TVP23A: variants seen among roughly 807,000 people sequenced by gnomAD.
The protein encoded by TVP23A is trans-golgi network vesicle protein 23 homolog A.
Under a neutral mutation model 31.7 loss-of-function variants are expected in TVP23A, and 21 were observed. The ratio of observed to expected loss-of-function variants is 0.66; its 90% CI spans 0.47 to 0.95. The LOEUF (loss-of-function observed/expected upper bound fraction) is 0.95. Ranked by LOEUF, TVP23A falls within the 40% of genes least tolerant of loss-of-function variation. The pLI is 0.00. For missense variants in TVP23A, 279 were observed against 255.6 expected, an observed-to-expected ratio of 1.09 and a Z score of -0.62; for synonymous variants, 104 against 96.0, an observed-to-expected ratio of 1.08 and a Z score of -0.49.
intron 2 of TVP23A, among the ~76,000 whole-genome samples, chr16:10,789,956 T>G (rs1317560039): frequency 6.6e-6 from 1 of 152,132 alleles, no homozygotes; most frequent in Non-Finnish European, 1.5e-5. Context: ...ATTTTAAAAT[T>G]TTCTGGTTGA....
At chr16:10,796,169 G>A (rs968200549) in intron 2 of TVP23A, among the ~76,000 whole-genome samples, 1 of 151,868 alleles carries the variant, frequency 6.6e-6, no homozygotes, top group African/African-American at 2.4e-5. Flanking sequence ...GCAACATGGT[G>A]AAACCTCATC....
At chr16:10,783,343 G>C (rs768515275) in intron 2 of TVP23A, among the ~76,000 whole-genome samples, 15 of 152,166 alleles carry the variant, frequency 9.9e-5, no homozygotes, top group Non-Finnish European at 2.2e-4. Flanking sequence ...ATTTATAGCA[G>C]CTTCATTCAT....
At chr16:10,759,064 GCAAAGGAGGTTTGATT>G (rs1474750322), downstream of TVP23A, among the ~76,000 whole-genome samples, 5 of 152,210 alleles carry the variant, frequency 3.3e-5, no homozygotes, top group Non-Finnish European at 7.3e-5. The surrounding 1 kb of genome is among the most constrained non-coding windows in gnomAD (Gnocchi z 4.7). Context: ...AGAAAGCCCA[GCAAAGGAGGTTTGATT>G]TGATCTCACT....
At chr16:10,776,626 T>C (rs2032042811) in intron 2 of TVP23A, among the ~76,000 whole-genome samples, 3 of 152,214 alleles carry the variant, frequency 2.0e-5, no homozygotes, top group Admixed American at 2.0e-4. Flanking sequence ...AGAGGGTTCT[T>C]GGATCTCACC....
chr16:10,805,188 C>T (rs998426459), intron 2 of TVP23A, among the ~76,000 whole-genome samples: 1 of 151,858 alleles, frequency 6.6e-6, no homozygotes, highest in African/African-American at 2.4e-5. Flanking sequence ...CATGCCACCA[C>T]GCCTGATTAA....
chr16:10,808,366 T>C (rs569331387), intron 2 of TVP23A, among the ~76,000 whole-genome samples: 6 of 152,100 alleles, frequency 3.9e-5, no homozygotes, highest in African/African-American at 1.2e-4. Flanking sequence ...GTTAGGGATT[T>C]TCAGGGGTGA....
intron 2 of TVP23A, among the ~76,000 whole-genome samples, chr16:10,797,156 T>G (rs2033433305): frequency 6.6e-6 from 1 of 150,546 alleles, no homozygotes; most frequent in South Asian, 2.1e-4. Flanking sequence ...GCCACTGTAC[T>G]CCAGACTGGG....
In TVP23A at chr16:10,777,436, G is replaced by T. The variant is rs1416077548; in HGVS notation, c.90-2340C>A. Among the ~76,000 whole-genome samples, 1 of 148,970 alleles carries T rather than the reference G, an allele frequency of 6.7e-6. No homozygotes were observed. Among genetic ancestry groups the T allele is most frequent in the African/African-American group, 2.5e-5 (1 of 40,588 alleles). On this transcript the variant is annotated intron_variant, in intron 2 of 7. Coordinates refer to ENST00000299866, the MANE Select transcript of TVP23A (RefSeq NM_001079512.4). This position sits in a 1 kb window ranked among gnomAD's most constrained non-coding sequence, Gnocchi z 4.5. ...TGGAAAATGCGGGGCCGAATGGGGT[G>T]GTCACAGAGATCCACACAGAACTGC...
intron 2 of TVP23A, chr16:10,808,559 G>A (rs1334084123): frequency 2.2e-6 from 1 of 454,928 alleles, no homozygotes; most frequent in Admixed American, 2.4e-5. Context: ...CACTTTGGGA[G>A]GCCAAGGCAG....
chr16:10,818,193 A>T lies in TVP23A; in HGVS notation c.10-11T>A, dbSNP rs2034525492. 4 of 1,598,102 alleles carry T rather than the reference A, an allele frequency of 2.5e-6. No homozygotes were observed. In the African/African-American group the frequency reaches 4.0e-5, roughly 16 times the overall value. The stretch of plus-strand genomic sequence containing the variant: ...ATCGTCCACCAGGGCCTGGGAGGAG[A>T]GCAAGGGCAGGTGGCAGGCCCAAGC... On this transcript the variant is annotated splice_polypyrimidine_tract_variant and intron_variant, in intron 1 of 7. Coordinates refer to ENST00000299866, the MANE Select transcript of TVP23A (RefSeq NM_001079512.4). This position sits in a 1 kb window ranked among gnomAD's most constrained non-coding sequence, Gnocchi z 4.7.
chr16:10,782,463 C>T (rs1467597494), intron 2 of TVP23A, among the ~76,000 whole-genome samples: 1 of 152,068 alleles, frequency 6.6e-6, no homozygotes, highest in East Asian at 1.9e-4. Context: ...TTGCTGCTCA[C>T]CTGTGTCATG....
chr16:10,768,123 G>A lies in TVP23A; in HGVS notation c.*979C>T. On this transcript the variant is annotated 3_prime_UTR_variant, in exon 8 of 8. Transcript: ENST00000299866. The surrounding 1 kb of genome is among the most constrained non-coding windows in gnomAD (Gnocchi z 4.3). ...GGGTGTGGAAGGACAGGTGGGTGGT[G>A]GGGTCTGTGATGACCACAGAGTGGC... 5 of 1,270,662 alleles carry A rather than the reference G, an allele frequency of 3.9e-6. No homozygotes were observed. Among genetic ancestry groups the A allele is most frequent in the Non-Finnish European group, 5.7e-6 (5 of 880,686 alleles). 78.7% of individuals were successfully genotyped at this position (1,270,662 alleles called of 1,614,324 possible).
rs2031087567 is a variant in TVP23A at position 10,767,574 on chromosome 16, T to C, written c.*1528A>G. Reference sequence around the variant, plus strand: ...AGTAGCCCTTTTCGGACTTGGCCTTTTATGCCATATCCTTTTGCATTCTGT... The same window carrying C: ...AGTAGCCCTTTTCGGACTTGGCCTTCTATGCCATATCCTTTTGCATTCTGT... On this transcript the variant is annotated 3_prime_UTR_variant, in exon 8 of 8. Coordinates refer to ENST00000299866, the MANE Select transcript of TVP23A (RefSeq NM_001079512.4). This position sits in a 1 kb window ranked among gnomAD's most constrained non-coding sequence, Gnocchi z 4.6. The C allele has an allele frequency of 2.2e-6, 1 of 452,326 alleles. No homozygotes were observed. Among genetic ancestry groups the C allele is most frequent in the East Asian group, 3.3e-5 (1 of 30,260 alleles). The allele number at this position is 452,326 out of a possible 1,614,324, so 28.0% of individuals were successfully genotyped here.
chr16:10,790,952 GACCCCC>G (rs2033069953), intron 2 of TVP23A, among the ~76,000 whole-genome samples: 2 of 152,136 alleles, frequency 1.3e-5, no homozygotes, highest in Admixed American at 1.3e-4. Context: ...AGGCATGTCT[GACCCCC>G]ACCTCTTCCC....
chr16:10,807,750 T>G (rs1338280687), intron 2 of TVP23A, among the ~76,000 whole-genome samples: 1 of 152,208 alleles, frequency 6.6e-6, no homozygotes, highest in Non-Finnish European at 1.5e-5. Flanking sequence ...AGGGTAAGCC[T>G]AAGATGGAAG....
downstream of TVP23A, among the ~76,000 whole-genome samples, chr16:10,766,304 G>C (rs138073723): frequency 6.6e-6 from 1 of 152,306 alleles, no homozygotes; most frequent in East Asian, 1.9e-4. The surrounding 1 kb of genome is among the most constrained non-coding windows in gnomAD (Gnocchi z 4.8). Context: ...CTGCCAGGGT[G>C]GGGTGAGAGG....
rs563724918 is a variant in TVP23A at position 10,791,674 on chromosome 16, C to A, written c.90-16578G>T. On this transcript the variant is annotated intron_variant, in intron 2 of 7. Transcript: ENST00000299866. ...CCAGGCTGGAGTGCAGTGGCACAATCTTGGCTCACTGCAACCTCCGCCTCC... is the reference window on the plus strand; with the variant it reads ...CCAGGCTGGAGTGCAGTGGCACAATATTGGCTCACTGCAACCTCCGCCTCC... 2.2e-4 allele frequency among the ~76,000 whole-genome samples: 34 copies of A among 152,336 alleles called. No individual in the cohort carries two copies. The South Asian group carries it at 7.0e-3, about 32-fold the overall frequency.
At chr16:10,764,934 T>A, downstream of TVP23A, 1 of 179,346 alleles carries the variant, frequency 5.6e-6, no homozygotes, top group Non-Finnish European at 1.2e-5. Flanking sequence ...CTGGAGTGTC[T>A]TGGCTGCTGT....
rs2031932100 is a variant in TVP23A, at chr16:10,775,306, T to C, written c.90-210A>G. 2.9e-6 allele frequency: 4 copies of C among 1,389,310 alleles called. 1 individual carries two copies. Among genetic ancestry groups the C allele is most frequent in the South Asian group, 1.6e-5 (1 of 61,268 alleles). 86.1% of individuals were successfully genotyped at this position (1,389,310 alleles called of 1,614,324 possible). ...GACAGTCATGCTGACACTGTTTTTT[T>C]TCCTCCCCTTCGAAGAATCCAGTAC... On this transcript the variant is annotated intron_variant, in intron 2 of 7. Transcript: ENST00000299866.
Sources: allele counts gnomAD v4.1 joint callset (sites outside exome capture counted in the v4.1 genomes callset), GRCh38; gene constraint gnomAD v4.1.1; non-coding constraint Gnocchi (gnomAD v3.1); transcripts MANE v1.5; gene names NCBI Gene and HGNC (gene_info 2026-07-23, HGNC 2026-07-21).